SIPA1L2: variants seen among roughly 807,000 people sequenced by gnomAD.
The protein encoded by SIPA1L2 is signal induced proliferation associated 1 like 2.
A neutral mutation model predicts 163.9 loss-of-function variants in SIPA1L2; 56 were observed. That is an observed-to-expected ratio of 0.34 (90% CI 0.28 to 0.43). SIPA1L2 has a LOEUF of 0.43. Ranked by LOEUF, SIPA1L2 falls within the 20% of genes least tolerant of loss-of-function variation. SIPA1L2 has a pLI of 1.00. For missense variants in SIPA1L2, 1,974 were observed against 2,193.5 expected, an observed-to-expected ratio of 0.90 and a Z score of 2.00; for synonymous variants, 877 against 865.7, an observed-to-expected ratio of 1.01 and a Z score of -0.23.
At chr1:232,529,462 T>C (rs1320671994) in intron 2 of SIPA1L2, among the ~76,000 whole-genome samples, 1 of 152,178 alleles carries the variant, frequency 6.6e-6, no homozygotes, top group African/African-American at 2.4e-5. Context: ...CACAGAAGAA[T>C]GGGTGACATG....
At chr1:232,472,562 G>C (rs1448842530) in intron 7 of SIPA1L2, among the ~76,000 whole-genome samples, 1 of 152,210 alleles carries the variant, frequency 6.6e-6, no homozygotes, top group South Asian at 2.1e-4. Flanking sequence ...CCACATAAAG[G>C]CACTCGGTAA....
At position 232,515,398 on chromosome 1, in the gene SIPA1L2, T is replaced by C; in HGVS notation, c.-59A>G. ...GAAGACTGATGTAAATCTAATTACATTGCTACCGACCACGCCATAATACTT... is the reference window on the plus strand; with the variant it reads ...GAAGACTGATGTAAATCTAATTACACTGCTACCGACCACGCCATAATACTT... On this transcript the variant is annotated 5_prime_UTR_variant, in exon 3 of 23. The change abolishes an upstream ATG in the 5' untranslated region. Transcript: ENST00000674635. 1.3e-6 allele frequency: 2 copies of C among 1,496,346 alleles called. No individual in the cohort carries two copies. The highest frequency in any genetic ancestry group is 2.7e-5 in the South Asian group (2 of 74,518). The allele number at this position is 1,496,346 out of a possible 1,614,324, so 92.7% of individuals were successfully genotyped here.
chr1:232,482,597 C>G (rs897635119), intron 6 of SIPA1L2, among the ~76,000 whole-genome samples: 6 of 152,128 alleles, frequency 3.9e-5, no homozygotes, highest in Non-Finnish European at 7.3e-5. Context: ...TAGTGGACAA[C>G]TAGGGGGCCC....
Position 232,434,255 on chromosome 1 carries a change from A to G in SIPA1L2, c.4032-1784T>C, listed in dbSNP as rs180721246. On this transcript the variant is annotated intron_variant, in intron 15 of 22. Transcript: ENST00000674635. The stretch of plus-strand genomic sequence containing the variant: ...GTATAAAAATAAGAGTGATATTAAA[A>G]TGAACTTTTTGTAGAGGTTCAAGAG... Among the ~76,000 whole-genome samples the G allele has an allele frequency of 6.9e-4, 105 of 152,360 alleles. No homozygotes were observed. The Middle Eastern group carries it at 0.014, about 20-fold the overall frequency.
intron 1 of SIPA1L2, among the ~76,000 whole-genome samples, chr1:232,583,240 A>G (rs1280729081): frequency 6.6e-6 from 1 of 152,216 alleles, no homozygotes; most frequent in Non-Finnish European, 1.5e-5. Context: ...CAATTTTATT[A>G]GCAGAAAAGA....
At position 232,443,588 on chromosome 1, in the gene SIPA1L2, A is replaced by G; in HGVS notation, c.3437+14T>C. 1 of 1,561,352 alleles carries G rather than the reference A, an allele frequency of 6.4e-7. No homozygotes were observed. Among genetic ancestry groups the G allele is most frequent in the Non-Finnish European group, 8.7e-7 (1 of 1,151,756 alleles). ...TTCCTCCCAGTGGATAACTAAGATA[A>G]AAATGAACAGTACCCGTCGTAGCCC... On this transcript the variant is annotated intron_variant, in intron 12 of 22. Coordinates refer to ENST00000674635, the MANE Select transcript of SIPA1L2 (RefSeq NM_020808.5).
intron 19 of SIPA1L2, among the ~76,000 whole-genome samples, chr1:232,411,936 A>G (rs1232355557): frequency 6.6e-6 from 1 of 152,176 alleles, no homozygotes; most frequent in African/African-American, 2.4e-5. Flanking sequence ...CCTTATGGTC[A>G]GCAATGTGGT....
At chr1:232,574,260 A>G (rs1276136549) in intron 1 of SIPA1L2, among the ~76,000 whole-genome samples, 38 bp from the exon 2 acceptor site, 1 of 152,218 alleles carries the variant, frequency 6.6e-6, no homozygotes, top group Non-Finnish European at 1.5e-5. Context: ...GACTCCCAGA[A>G]CAACTCTTGG....
intron 2 of SIPA1L2, among the ~76,000 whole-genome samples, chr1:232,549,896 A>C (rs1658275783): frequency 6.6e-6 from 1 of 152,216 alleles, no homozygotes; most frequent in Non-Finnish European, 1.5e-5. Flanking sequence ...GGTGCTCTAC[A>C]ATCATTCTGA....
chr1:232,502,258 G>A (rs1170230988), intron 3 of SIPA1L2, among the ~76,000 whole-genome samples: 2 of 152,072 alleles, frequency 1.3e-5, no homozygotes, highest in Admixed American at 6.6e-5. Context: ...GTTGACAGCA[G>A]GCATGTTACT....
chr1:232,423,066 A>G (rs970013582), intron 18 of SIPA1L2, among the ~76,000 whole-genome samples: 1 of 152,152 alleles, frequency 6.6e-6, no homozygotes, highest in South Asian at 2.1e-4. Flanking sequence ...GCAATGCTGA[A>G]CTGGCAGTGA....
At chr1:232,611,290 A>G (rs893433947) in intron 1 of SIPA1L2, among the ~76,000 whole-genome samples, 5 of 152,148 alleles carry the variant, frequency 3.3e-5, no homozygotes, top group African/African-American at 1.2e-4. Context: ...TTAATACAGT[A>G]AATTGGTACC....
chr1:232,599,968 G>A lies in SIPA1L2; in HGVS notation c.-318-25746C>T, dbSNP rs149600562. ...ATGAAAAATTTAGCAACTAATTTAC[G>A]AAGGATCAGGAAGTAAAGACTTGGG... On this transcript the variant is annotated intron_variant, in intron 1 of 22. Transcript: ENST00000674635. Among the ~76,000 whole-genome samples, 407 of 152,356 alleles carry A rather than the reference G, an allele frequency of 2.7e-3. 6 individuals are homozygous for A. The highest frequency in any genetic ancestry group is 1.2e-3 in the Non-Finnish European group (81 of 68,046).
rs1664473656 is a variant in SIPA1L2 at position 232,465,626 on chromosome 1, GTTA to G, written c.2244-213_2244-211del. ...AATTGCTGCATACCCAGGGTTTGTT[GTTA>G]TTGTTGTTTAAGCAAAATGCTTTAA... On this transcript the variant is annotated intron_variant, in intron 8 of 22. Transcript: ENST00000674635. The surrounding 1 kb of genome is among the most constrained non-coding windows in gnomAD (Gnocchi z 4.1). Among the ~76,000 whole-genome samples, 1 of 151,936 alleles carries G rather than the reference GTTA, an allele frequency of 6.6e-6. No individual in the cohort carries two copies. The highest frequency in any genetic ancestry group is 2.4e-5 in the African/African-American group (1 of 41,374).
intron 2 of SIPA1L2, among the ~76,000 whole-genome samples, chr1:232,521,206 C>T (rs1667443745): frequency 6.6e-6 from 1 of 152,162 alleles, no homozygotes; most frequent in Non-Finnish European, 1.5e-5. Flanking sequence ...AACCTATGAT[C>T]TGCGAAGGGG....
chr1:232,425,845 T>C (rs1394560836), intron 17 of SIPA1L2, 37 bp from the exon 18 acceptor site: 4 of 1,578,352 alleles, frequency 2.5e-6, no homozygotes. Flanking sequence ...GGAACAGACA[T>C]TAAAAAAACG....
intron 19 of SIPA1L2, among the ~76,000 whole-genome samples, chr1:232,412,005 G>A (rs538504482): frequency 1.8e-4 from 28 of 152,270 alleles, no homozygotes; most frequent in African/African-American, 6.5e-4. Flanking sequence ...CAGAATACCT[G>A]ACTCTCACCC....
chr1:232,483,988 A>T lies in SIPA1L2; in HGVS notation c.1807-22T>A, dbSNP rs745474704. On this transcript the variant is annotated intron_variant, in intron 5 of 22. Transcript: ENST00000674635. ...TCAGCTGAAATGGGGGAGAAATATAATTACTTGGCAAAGCATATCAGACAA... is the reference window on the plus strand; with the variant it reads ...TCAGCTGAAATGGGGGAGAAATATATTTACTTGGCAAAGCATATCAGACAA... 13 of 1,595,176 alleles carry T rather than the reference A, an allele frequency of 8.1e-6. No individual in the cohort carries two copies. The South Asian group carries it at 1.5e-4, about 18-fold the overall frequency.
At chr1:232,589,542 T>C (rs1465278740) in intron 1 of SIPA1L2, among the ~76,000 whole-genome samples, 1 of 152,250 alleles carries the variant, frequency 6.6e-6, no homozygotes, top group Non-Finnish European at 1.5e-5. Flanking sequence ...CTTGTACCCT[T>C]TGGAGTCTGT....
Sources: allele counts gnomAD v4.1 joint callset (sites outside exome capture counted in the v4.1 genomes callset), GRCh38; gene constraint gnomAD v4.1.1; non-coding constraint Gnocchi (gnomAD v3.1); transcripts MANE v1.5; gene names NCBI Gene and HGNC (gene_info 2026-07-23, HGNC 2026-07-21).